The following TPRA1 variants were observed in gnomAD, a reference collection of about 807,000 sequenced individuals.
The protein encoded by TPRA1 is transmembrane protein adipocyte associated 1, also known as transmembrane protein adipocyte-associated 1.
In TPRA1, 28 loss-of-function variants were observed where a neutral mutation model predicts 40.1. The observed-to-expected ratio is 0.70, with a 90% CI of 0.52 to 0.96. The LOEUF (loss-of-function observed/expected upper bound fraction) is 0.96. Among genes scored for constraint, TPRA1 ranks in the 40% least tolerant of loss-of-function variants. The pLI, the probability that TPRA1 is intolerant of heterozygous loss-of-function variation, is 0.00. For missense variants in TPRA1, 441 were observed against 482.6 expected (o/e 0.91, Z 0.81); for synonymous variants, 219 against 209.7 (o/e 1.04, Z -0.38).
chr3:127,576,492 T>C lies in TPRA1; in HGVS notation c.498+125A>G, dbSNP rs1025072608. On this transcript the variant is annotated intron_variant, in intron 6 of 10. Transcript: ENST00000355552. The surrounding 1 kb of genome is among the most constrained non-coding windows in gnomAD (Gnocchi z 4.6). ...CTCGGTAACAAGCACCCCATGTGATTTCTCAGGTGCAAAGTTTTGAGAACT... is the reference window on the plus strand; with the variant it reads ...CTCGGTAACAAGCACCCCATGTGATCTCTCAGGTGCAAAGTTTTGAGAACT... 622 of 950,938 alleles carry C rather than the reference T, an allele frequency of 6.5e-4. 1 individual carries two copies. The highest frequency in any genetic ancestry group is 5.2e-4 in the Admixed American group (19 of 36,708). 58.9% of individuals were successfully genotyped at this position (950,938 alleles called of 1,614,324 possible).
chr3:127,593,117 G>A (rs1390558057), upstream of TPRA1, among the ~76,000 whole-genome samples: 2 of 152,204 alleles, frequency 1.3e-5, no homozygotes, highest in Non-Finnish European at 2.9e-5. Flanking sequence ...TGTTGTATTT[G>A]TGAAATAACC....
At chr3:127,592,487 G>A (rs1236188330), upstream of TPRA1, among the ~76,000 whole-genome samples, 13 of 144,454 alleles carry the variant, frequency 9.0e-5, no homozygotes, top group Admixed American at 7.3e-4. Context: ...CCGGGTTCAC[G>A]CCATTCTCCT....
At chr3:127,586,214 C>T (rs1312415047) in intron 1 of TPRA1, among the ~76,000 whole-genome samples, 1 of 152,174 alleles carries the variant, frequency 6.6e-6, no homozygotes, top group Non-Finnish European at 1.5e-5. Flanking sequence ...CAGCTGGAAG[C>T]GGGTGTGCAG....
In TPRA1 at chr3:127,575,996, T is replaced by C. The variant is rs1156631806; in HGVS notation, c.553A>G (p.Ile185Val). 6.2e-7 allele frequency: 1 copy of C among 1,613,840 alleles called. No individual in the cohort carries two copies. Among genetic ancestry groups the C allele is most frequent in the African/African-American group, 1.3e-5 (1 of 74,914 alleles). Residue 185 changes from isoleucine to valine, a missense_variant, in exon 7 of 11, where the codon ATC becomes GTC. Physicochemically the swap from Ile to Val is conservative, Grantham distance 29. Transcript: ENST00000355552. ...AACTGGCGGCCCCCATGGCCATAGA[T>C]ATTAAAGTCCTCAGCTGAGAGATGG... The part of the protein sequence containing the change: ...DAHLSAEDFN[I>V]YGHGGRQFWL...
chr3:127,583,642 G>A (rs900631493), intron 1 of TPRA1, among the ~76,000 whole-genome samples: 3 of 152,032 alleles, frequency 2.0e-5, no homozygotes, highest in Non-Finnish European at 2.9e-5. Flanking sequence ...CTGTTGGGAG[G>A]GGGGCAAAGA....
In TPRA1 at chr3:127,576,722, G is replaced by T; in HGVS notation, c.419-26C>A. 6.2e-7 allele frequency: 1 copy of T among 1,609,690 alleles called. No individual in the cohort carries two copies. The highest frequency in any genetic ancestry group is 8.5e-7 in the Non-Finnish European group (1 of 1,177,992). On this transcript the variant is annotated intron_variant, in intron 5 of 10. Coordinates refer to ENST00000355552, the MANE Select transcript of TPRA1 (RefSeq NM_001136053.4). This position sits in a 1 kb window ranked among gnomAD's most constrained non-coding sequence, Gnocchi z 4.6. ...CTGGAAGAAACATGCTGGTCAGCAG[G>T]CAGGAGCCAGCCCAGGTGACCACTC... is the stretch of plus-strand genomic sequence containing the variant.
In TPRA1 at chr3:127,590,211, T is replaced by C. The variant is rs572257685; in HGVS notation, c.-18+199A>G. On this transcript the variant is annotated intron_variant, in intron 1 of 10. Transcript: ENST00000355552. ...CCCCGCGCCCCGAGCGACTCCCGAC[T>C]GCCCGGCACCCCTCCCGTGGGTTCC... Among the ~76,000 whole-genome samples, 23 of 152,214 alleles carry C rather than the reference T, an allele frequency of 1.5e-4. No individual in the cohort carries two copies. The East Asian group carries it at 4.1e-3, about 27-fold the overall frequency.
rs764424934 is a variant in TPRA1 at position 127,579,730 on chromosome 3, G to C, written c.258+10C>G. The C allele has an allele frequency of 1.2e-6, 2 of 1,613,982 alleles. No individual in the cohort carries two copies. Among genetic ancestry groups the C allele is most frequent in the Non-Finnish European group, 1.7e-6 (2 of 1,179,906 alleles). ...GGAGTTGGCTTTTCTGTCAACTGCAGTGAACTCACCAGGATGTAGAAGGTG... is the reference window on the plus strand; with the variant it reads ...GGAGTTGGCTTTTCTGTCAACTGCACTGAACTCACCAGGATGTAGAAGGTG... On this transcript the variant is annotated intron_variant, in intron 3 of 10. Transcript: ENST00000355552.
At chr3:127,575,060 G>C (rs936655497) in intron 10 of TPRA1, 125 bp downstream of exon 10, 3 of 1,014,840 alleles carry the variant, frequency 3.0e-6, no homozygotes, top group African/African-American at 1.6e-5. Context: ...GTGCATGTAT[G>C]TATGTGCGTG....
chr3:127,597,428 CT>C, intron 1 of TPRA1, among the ~76,000 whole-genome samples: 1 of 152,246 alleles, frequency 6.6e-6, no homozygotes, highest in East Asian at 1.9e-4. Context: ...CCTTCCATTG[CT>C]TTCAGAATAC....
At chr3:127,574,016 G>A (rs1358129025) in intron 10 of TPRA1, among the ~76,000 whole-genome samples, 1 of 152,206 alleles carries the variant, frequency 6.6e-6, no homozygotes, top group East Asian at 1.9e-4. Flanking sequence ...ATCTGTGCCT[G>A]CTTCCTCATG....
exon 1 of TPRA1, chr3:127,598,017 A>G: frequency 4.2e-6 from 1 of 239,428 alleles, no homozygotes; most frequent in Non-Finnish European, 8.4e-6. Flanking sequence ...CATGTTAGTC[A>G]GGCTGGTCTC....
At chr3:127,587,562 C>T (rs974137442) in intron 1 of TPRA1, among the ~76,000 whole-genome samples, 3 of 152,018 alleles carry the variant, frequency 2.0e-5, no homozygotes, top group Non-Finnish European at 2.9e-5. Context: ...CACTCCCCCT[C>T]CAAGTATCAT....
At chr3:127,588,391 A>G (rs2074065064) in intron 1 of TPRA1, among the ~76,000 whole-genome samples, 1 of 151,618 alleles carries the variant, frequency 6.6e-6, no homozygotes, top group Non-Finnish European at 1.5e-5. Flanking sequence ...TTACGTATCA[A>G]AGCTTAGGAA....
chr3:127,585,778 C>G (rs1419911678), intron 1 of TPRA1, among the ~76,000 whole-genome samples: 2 of 152,174 alleles, frequency 1.3e-5, no homozygotes, highest in African/African-American at 4.8e-5. Context: ...CAGGATCCCT[C>G]CATAAAACCT....
intron 1 of TPRA1, among the ~76,000 whole-genome samples, chr3:127,583,594 C>T (rs544332372): frequency 3.3e-5 from 5 of 151,874 alleles, no homozygotes; most frequent in African/African-American, 1.2e-4. Context: ...ATGCCTGACA[C>T]ATAGTAGATC....
chr3:127,585,838 A>G (rs572188064), intron 1 of TPRA1, among the ~76,000 whole-genome samples: 2 of 152,128 alleles, frequency 1.3e-5, no homozygotes, highest in Non-Finnish European at 2.9e-5. Flanking sequence ...AGTCTCCATT[A>G]ATTTCAGCCA....
At chr3:127,577,130 C>T in intron 3 of TPRA1, 54 bp from the exon 4 acceptor site, 2 of 1,584,792 alleles carry the variant, frequency 1.3e-6, no homozygotes, top group South Asian at 2.2e-5. Flanking sequence ...TCTGCATCGG[C>T]AGGGGCAGCA....
rs920233 is a variant in TPRA1 at position 127,576,241 on chromosome 3, C to T, written c.499-191G>A. 0.19 allele frequency among the ~76,000 whole-genome samples: 28,925 copies of T among 152,120 alleles called. 3,430 individuals are homozygous for T. Among genetic ancestry groups the T allele is most frequent in the South Asian group, 0.31 (1,503 of 4,816 alleles). On this transcript the variant is annotated intron_variant, in intron 6 of 10. Transcript: ENST00000355552. This position sits in a 1 kb window ranked among gnomAD's most constrained non-coding sequence, Gnocchi z 4.6. ...CCCAACTGATTGCAGCATCCAGAGCCGGCCCAGTCTTGGGCTGAGTCACAT... is the reference window on the plus strand; with the variant it reads ...CCCAACTGATTGCAGCATCCAGAGCTGGCCCAGTCTTGGGCTGAGTCACAT...
Sources: allele counts gnomAD v4.1 joint callset (sites outside exome capture counted in the v4.1 genomes callset), GRCh38; gene constraint gnomAD v4.1.1; non-coding constraint Gnocchi (gnomAD v3.1); transcripts MANE v1.5; gene names NCBI Gene and HGNC (gene_info 2026-07-23, HGNC 2026-07-21).